The following TBC1D2 variants were observed in gnomAD, a reference collection of about 807,000 sequenced individuals.
The protein encoded by TBC1D2 is TBC1 domain family member 2A.
TBC1D2 carries 58 observed loss-of-function variants against 91.1 expected under a neutral mutation model. That is an observed-to-expected ratio of 0.64 (90% CI 0.52 to 0.79). The LOEUF (loss-of-function observed/expected upper bound fraction) is 0.79, where lower values mean the gene tolerates loss of function less well. Ranked by LOEUF, TBC1D2 falls within the 30% of genes least tolerant of loss-of-function variation. The probability of loss-of-function intolerance (pLI) is 0.00; values close to 1 mark genes in which losing one functional copy is unlikely to be tolerated. For missense variants in TBC1D2, 1,080 were observed against 1,208.3 expected (o/e 0.89, Z 1.57); for synonymous variants, 482 against 511.5 (o/e 0.94, Z 0.78).
intron 5 of TBC1D2, among the ~76,000 whole-genome samples, chr9:98,225,096 C>G (rs902446785): frequency 6.6e-6 from 1 of 152,200 alleles, no homozygotes; most frequent in African/African-American, 2.4e-5. Flanking sequence ...GTTCCTTTAC[C>G]CAGTAATCCT....
Position 98,199,443 on chromosome 9 carries a change from A to C in TBC1D2, c.2725T>G (p.Ser909Ala). 6.2e-7 allele frequency: 1 copy of C among 1,613,892 alleles called. No individual in the cohort carries two copies. Among genetic ancestry groups the C allele is most frequent in the Non-Finnish European group, 8.5e-7 (1 of 1,180,000 alleles). ...CCCTCGGACACAGCTCTGCGCCGGG[A>C]TGCCCGCCTCTCCAGGTACTCTGCC... The part of the protein sequence containing the change: ...LKAEYLERRA[S>A]RRRAVSEGCA... The change falls in exon 13 of 13, where the codon TCC becomes GCC. Residue 909 changes from serine (S) to alanine (A), a missense_variant. Physicochemically the swap from Ser to Ala is moderately conservative, Grantham distance 99 (BLOSUM62 1). Transcript: ENST00000465784.
At chr9:98,235,423 T>A in intron 3 of TBC1D2, 1 of 485,844 alleles carries the variant, frequency 2.1e-6, no homozygotes. Context: ...TTCTAATGCC[T>A]TGGATGAGAA....
At chr9:98,227,650 C>T (rs1369179198) in intron 5 of TBC1D2, among the ~76,000 whole-genome samples, 1 of 151,926 alleles carries the variant, frequency 6.6e-6, no homozygotes, top group Non-Finnish European at 1.5e-5. Context: ...GGCATGGTGG[C>T]AGGTGCTTGT....
chr9:98,230,846 G>A (rs761219061), intron 4 of TBC1D2, among the ~76,000 whole-genome samples: 18 of 152,122 alleles, frequency 1.2e-4, no homozygotes, highest in Non-Finnish European at 2.6e-4. Flanking sequence ...ATGCCAGTGC[G>A]CTTTAGCCTG....
In TBC1D2 at chr9:98,228,814, T is replaced by C. The variant is rs369521055; in HGVS notation, c.978+138A>G. 63 of 778,646 alleles carry C rather than the reference T, an allele frequency of 8.1e-5. No individual in the cohort carries two copies. In the African/African-American group the frequency reaches 1.0e-3, roughly 13 times the overall value. The allele number at this position is 778,646 out of a possible 1,614,324, so 48.2% of individuals were successfully genotyped here. The stretch of plus-strand genomic sequence containing the variant: ...GAGTAATCAACAGCATATTTCAACA[T>C]TCTGCAGTTTGGCCTTTAAAGACCA... On this transcript the variant is annotated intron_variant, in intron 5 of 12. Coordinates refer to ENST00000465784, the MANE Select transcript of TBC1D2 (RefSeq NM_001267571.2). This position sits in a 1 kb window ranked among gnomAD's most constrained non-coding sequence, Gnocchi z 4.0.
At position 98,244,110 on chromosome 9, in the gene TBC1D2, C is replaced by T. The variant is rs1165718969; in HGVS notation, c.531G>A (p.Leu177=). Residue 177 remains leucine (L), a synonymous_variant, in exon 3 of 13, where the codon CTG becomes CTA. Transcript: ENST00000465784. ...HLELGQEEAE[L]EEFLCPVKTP... ...TTTTCACAGGGCACAGGAACTCCTC[C>T]AGCTCTGCCTCTTCTTGCCCTGGGA... 2 of 1,613,322 alleles carry T rather than the reference C, an allele frequency of 1.2e-6. No homozygotes were observed. Among genetic ancestry groups the T allele is most frequent in the African/African-American group, 1.3e-5 (1 of 75,058 alleles).
chr9:98,210,927 C>T, intron 7 of TBC1D2, 84 bp from the exon 8 acceptor site: 4 of 1,202,944 alleles, frequency 3.3e-6, no homozygotes, highest in Non-Finnish European at 2.3e-6. Context: ...CTTTAGGCAG[C>T]ACAGCCCTTC....
At chr9:98,235,364 C>A in intron 3 of TBC1D2, 1 of 449,226 alleles carries the variant, frequency 2.2e-6, no homozygotes, top group Non-Finnish European at 4.4e-6. Flanking sequence ...AGATAAACCA[C>A]AGTTACAAGG....
intron 2 of TBC1D2, among the ~76,000 whole-genome samples, chr9:98,245,173 G>A (rs966533218): frequency 6.6e-6 from 1 of 152,188 alleles, no homozygotes; most frequent in South Asian, 2.1e-4. Flanking sequence ...CCAGGAGGCG[G>A]AGCTTGCAGT....
chr9:98,222,628 T>C (rs1019522438), intron 5 of TBC1D2, among the ~76,000 whole-genome samples: 5 of 152,360 alleles, frequency 3.3e-5, no homozygotes, highest in Admixed American at 2.6e-4. Context: ...GGATGTGAAT[T>C]TGTTCTGGGC....
chr9:98,204,266 A>C (rs1828590417), intron 9 of TBC1D2, among the ~76,000 whole-genome samples: 1 of 152,150 alleles, frequency 6.6e-6, no homozygotes, highest in African/African-American at 2.4e-5. Flanking sequence ...ATATTCAAAG[A>C]TATCTGGGGA....
chr9:98,205,561 T>G (rs1324579964), intron 9 of TBC1D2, among the ~76,000 whole-genome samples: 2 of 152,178 alleles, frequency 1.3e-5, no homozygotes, highest in African/African-American at 4.8e-5. Context: ...TCTTTTCTTT[T>G]TTTGAGACAG....
intron 4 of TBC1D2, 45 bp downstream of exon 4, chr9:98,233,371 A>T: frequency 6.3e-7 from 1 of 1,578,460 alleles, no homozygotes. Flanking sequence ...GCCAGCCGTG[A>T]GGAGCTGGTC....
intron 4 of TBC1D2, chr9:98,229,366 G>A: frequency 3.6e-6 from 2 of 556,802 alleles, no homozygotes; most frequent in South Asian, 2.1e-5. Flanking sequence ...GGGTTAGACT[G>A]TGAGAACCAC....
intron 3 of TBC1D2, among the ~76,000 whole-genome samples, chr9:98,243,294 G>A (rs544913742): frequency 6.6e-5 from 10 of 152,138 alleles, no homozygotes; most frequent in African/African-American, 2.2e-4. Context: ...TATGCAATAT[G>A]TATATAGAAA....
At chr9:98,206,131 T>C (rs1395418268) in intron 9 of TBC1D2, among the ~76,000 whole-genome samples, 1 of 152,026 alleles carries the variant, frequency 6.6e-6, no homozygotes, top group African/African-American at 2.4e-5. Flanking sequence ...CTAATTGTTG[T>C]ATTTTTAGTA....
chr9:98,221,045 G>C lies in TBC1D2; in HGVS notation c.1162C>G (p.His388Asp). ...TGCTGCTCCCGCAGGCTCGCTGTGT[G>C]CGCCAGGCTCTCCCGCTCCTGCTCC... ...ALEQERESLA[H>D]TASLREQQVQ... Residue 388 changes from histidine to aspartate, a missense_variant, in exon 6 of 13, where the codon CAC becomes GAC. Transcript: ENST00000465784. 1 of 1,613,372 alleles carries C rather than the reference G, an allele frequency of 6.2e-7. No homozygotes were observed.
rs58713846 is a variant in TBC1D2, at chr9:98,247,728, C to CAAAAAAAAAAA, written c.512-3610_512-3600dup. Among the ~76,000 whole-genome samples, 108 of 70,834 alleles carry CAAAAAAAAAAA rather than the reference C, an allele frequency of 1.5e-3. 1 individual carries two copies. The highest frequency in any genetic ancestry group is 2.4e-3 in the Non-Finnish European group (81 of 33,434). 46.5% of individuals were successfully genotyped at this position (70,834 alleles called of 152,430 possible). On this transcript the variant is annotated intron_variant, in intron 2 of 12. Coordinates refer to ENST00000465784, the MANE Select transcript of TBC1D2 (RefSeq NM_001267571.2). Reference sequence around the variant, plus strand: ...TGGGTGACAGAGCGAGACTCCGTCTCAAAAAAAAAAAAAAAAAAAAAAGCC... The same window carrying CAAAAAAAAAAA: ...TGGGTGACAGAGCGAGACTCCGTCTCAAAAAAAAAAAAAAAAAAAAAAAAAAAAAAAAAGCC...
At chr9:98,219,232 C>G (rs1829038670) in intron 6 of TBC1D2, among the ~76,000 whole-genome samples, 1 of 152,164 alleles carries the variant, frequency 6.6e-6, no homozygotes, top group African/African-American at 2.4e-5. Flanking sequence ...CAGAGGTGAG[C>G]TAACATGCCT....
Sources: gnomAD v4.1 joint callset for allele counts (sites outside exome capture counted in the v4.1 genomes callset) on GRCh38, gnomAD v4.1.1 for gene constraint, Gnocchi (gnomAD v3.1) non-coding constraint, MANE v1.5 for transcripts, NCBI Gene and HGNC (gene_info 2026-07-23, HGNC 2026-07-21) for gene names.